Variants in NRXN1 observed in about 807,000 individuals in gnomAD.
The protein encoded by NRXN1 is neurexin 1, also known as neurexin-1.
Under a neutral mutation model 150.9 loss-of-function variants are expected in NRXN1, and 39 were observed. That is an observed-to-expected ratio of 0.26 (90% CI 0.20 to 0.34). NRXN1 has a LOEUF of 0.34. Among genes scored for constraint, NRXN1 ranks in the 10% least tolerant of loss-of-function variants. The probability of loss-of-function intolerance (pLI) is 1.00; values close to 1 mark genes in which losing one functional copy is unlikely to be tolerated. For missense variants in NRXN1, 1,815 were observed against 1,949.9 expected, an observed-to-expected ratio of 0.93 and a Z score of 1.30; for synonymous variants, 924 against 757.0, an observed-to-expected ratio of 1.22 and a Z score of -3.62.
intron 17 of NRXN1, among the ~76,000 whole-genome samples, chr2:50,414,302 A>G (rs914807359): frequency 6.6e-6 from 1 of 152,252 alleles, no homozygotes. Context: ...CGCCATAAAT[A>G]TATACACCTG....
At chr2:50,642,909 A>C (rs1405250581) in intron 5 of NRXN1, among the ~76,000 whole-genome samples, 1 of 152,002 alleles carries the variant, frequency 6.6e-6, no homozygotes, top group Non-Finnish European at 1.5e-5. Flanking sequence ...ACTACCTGTC[A>C]AAGAGGATAT....
intron 17 of NRXN1, among the ~76,000 whole-genome samples, chr2:50,443,033 C>T (rs1014736914): frequency 1.3e-5 from 2 of 151,962 alleles, no homozygotes; most frequent in Non-Finnish European, 2.9e-5. Context: ...GAATAGTGAA[C>T]GTGGGTGACT....
intron 18 of NRXN1, among the ~76,000 whole-genome samples, chr2:50,126,530 T>A (rs1241345373): frequency 6.6e-6 from 1 of 152,058 alleles, no homozygotes; most frequent in Non-Finnish European, 1.5e-5. Flanking sequence ...TAAGATATAA[T>A]AGAAGCAAAA....
At chr2:50,527,720 T>C (rs1168089837) in intron 12 of NRXN1, among the ~76,000 whole-genome samples, 2 of 152,124 alleles carry the variant, frequency 1.3e-5, no homozygotes, top group East Asian at 1.9e-4. Context: ...CTTGAAAACA[T>C]GGCCAATGCT....
intron 12 of NRXN1, among the ~76,000 whole-genome samples, chr2:50,514,614 C>T (rs779394898): frequency 3.3e-5 from 5 of 152,168 alleles, no homozygotes; most frequent in South Asian, 2.1e-4. Flanking sequence ...ATGTGTTCAC[C>T]ATTGCAACTC....
At chr2:50,273,137 T>C (rs941311247) in intron 17 of NRXN1, among the ~76,000 whole-genome samples, 1 of 152,178 alleles carries the variant, frequency 6.6e-6, no homozygotes, top group African/African-American at 2.4e-5. Flanking sequence ...TTGAAAAGAT[T>C]GACAGAGAGC....
chr2:50,714,616 G>C (rs1413297233), intron 5 of NRXN1, among the ~76,000 whole-genome samples: 1 of 152,132 alleles, frequency 6.6e-6, no homozygotes, highest in Non-Finnish European at 1.5e-5. Flanking sequence ...AAAAGGCCTG[G>C]AGCTCAGAGT....
chr2:50,526,354 A>G (rs915694660), intron 12 of NRXN1, among the ~76,000 whole-genome samples: 1 of 152,204 alleles, frequency 6.6e-6, no homozygotes, highest in Admixed American at 6.5e-5. Flanking sequence ...GGTATGGCAC[A>G]ATTTTTAGAG....
intron 17 of NRXN1, among the ~76,000 whole-genome samples, chr2:50,423,361 T>C (rs2084152189): frequency 6.6e-6 from 1 of 152,160 alleles, no homozygotes; most frequent in South Asian, 2.1e-4. Context: ...GTACACACCC[T>C]ACCTTGCCTG....
chr2:50,077,917 A>G (rs962332), intron 19 of NRXN1, among the ~76,000 whole-genome samples: 1 of 151,596 alleles, frequency 6.6e-6, no homozygotes, highest in African/African-American at 2.4e-5. Context: ...AGGGGTAAAC[A>G]CAGCTGCTTT....
chr2:50,828,943 A>C (rs1296365431), intron 5 of NRXN1, among the ~76,000 whole-genome samples: 1 of 152,200 alleles, frequency 6.6e-6, no homozygotes, highest in Non-Finnish European at 1.5e-5. Context: ...GGCACCATTG[A>C]GCACTGAGTG....
chr2:50,421,982 C>T (rs542189363), intron 17 of NRXN1, among the ~76,000 whole-genome samples: 1 of 152,116 alleles, frequency 6.6e-6, no homozygotes, highest in Admixed American at 6.6e-5. Context: ...GCCCTTCATC[C>T]ACCTTTCCTT....
chr2:50,566,191 C>T (rs140875290), intron 8 of NRXN1, among the ~76,000 whole-genome samples: 1 of 152,118 alleles, frequency 6.6e-6, no homozygotes, highest in African/African-American at 2.4e-5. Flanking sequence ...AGTTGGCCAG[C>T]TACATCCACT....
intron 17 of NRXN1, among the ~76,000 whole-genome samples, chr2:50,373,679 A>AAAGAAAGAAAGAAAGAAAG (rs1553513456): frequency 3.7e-4 from 24 of 65,656 alleles, no homozygotes; most frequent in East Asian, 2.3e-3. Context: ...AGAAAGAAAG[A>AAAGAAAGAAAGAAAGAAAG]AAAGAAAGAA....
At chr2:51,025,425 T>C (rs1670285466) in intron 2 of NRXN1, among the ~76,000 whole-genome samples, 1 of 152,204 alleles carries the variant, frequency 6.6e-6, no homozygotes, top group African/African-American at 2.4e-5. Flanking sequence ...TAACTGTTCC[T>C]GATTATGCAT....
At chr2:50,319,923 T>C (rs997219601) in intron 17 of NRXN1, among the ~76,000 whole-genome samples, 1 of 152,052 alleles carries the variant, frequency 6.6e-6, no homozygotes. Flanking sequence ...TTCAGTCTTA[T>C]TAGAAATAGG....
At chr2:50,112,411 C>T (rs1249882326) in intron 18 of NRXN1, among the ~76,000 whole-genome samples, 1 of 152,198 alleles carries the variant, frequency 6.6e-6, no homozygotes, top group African/African-American at 2.4e-5. Context: ...CTGGTCCCTT[C>T]GTTGTTCAGC....
chr2:51,005,677 G>A (rs1028644751), intron 2 of NRXN1, among the ~76,000 whole-genome samples: 4 of 151,748 alleles, frequency 2.6e-5, no homozygotes, highest in African/African-American at 9.7e-5. Flanking sequence ...TCACTATAGA[G>A]AATCACCCAA....
chr2:50,388,727 G>A (rs2081487542), intron 17 of NRXN1, among the ~76,000 whole-genome samples: 1 of 152,056 alleles, frequency 6.6e-6, no homozygotes, highest in Non-Finnish European at 1.5e-5. Context: ...CTCTGGGAAT[G>A]ATAGGGCATT....
Sources: allele counts gnomAD v4.1 joint callset (sites outside exome capture counted in the v4.1 genomes callset), GRCh38; gene constraint gnomAD v4.1.1; transcripts MANE v1.5; gene names NCBI Gene and HGNC (gene_info 2026-07-23, HGNC 2026-07-21).